Variants in NEBL observed in about 807,000 individuals in gnomAD.
NEBL encodes nebulette, also known as LIM and SH3 protein 2.
NEBL carries 122 observed loss-of-function variants against 140.2 expected under a neutral mutation model. The ratio of observed to expected loss-of-function variants is 0.87; its 90% CI spans 0.75 to 1.01. The LOEUF (loss-of-function observed/expected upper bound fraction) is 1.01, where lower values mean the gene tolerates loss of function less well. NEBL is among the 50% of genes least tolerant of loss of function. The probability of loss-of-function intolerance (pLI) is 0.00; values close to 1 mark genes in which losing one functional copy is unlikely to be tolerated. For missense variants in NEBL, 1,365 were observed against 1,231.3 expected (o/e 1.11, Z -1.62); for synonymous variants, 436 against 398.9 (o/e 1.09, Z -1.11).
At chr10:20,850,564 A>C in intron 10 of NEBL, 62 bp from the exon 11 acceptor site, 1 of 1,072,410 alleles carries the variant, frequency 9.3e-7, no homozygotes, top group Non-Finnish European at 1.4e-6. Flanking sequence ...GAGCAAACTA[A>C]GAAAAAATAT....
rs1292946698 is a variant in NEBL, at chr10:20,869,310, C to T, written c.582+430G>A. On this transcript the variant is annotated intron_variant, in intron 6 of 27. Coordinates refer to ENST00000377122, the MANE Select transcript of NEBL (RefSeq NM_006393.3). ...CCTTAGAGAAGGTAAGAAACAGTTA[C>T]GCCATGTAGGAAGTGGACAAAGGTA... 5.9e-5 allele frequency among the ~76,000 whole-genome samples: 9 copies of T among 152,016 alleles called. No homozygotes were observed. The East Asian group carries it at 9.6e-4, about 16-fold the overall frequency.
intron 4 of NEBL, among the ~76,000 whole-genome samples, chr10:20,949,441 T>G (rs1014850932): frequency 6.6e-6 from 1 of 152,168 alleles, no homozygotes; most frequent in African/African-American, 2.4e-5. Flanking sequence ...TCTGCACATG[T>G]ATCCCAGAAC....
intron 2 of NEBL, among the ~76,000 whole-genome samples, chr10:21,042,029 G>T (rs1337464359): frequency 6.6e-6 from 1 of 152,144 alleles, no homozygotes; most frequent in Non-Finnish European, 1.5e-5. Context: ...TCTTTACCAC[G>T]TCCTGTTTTA....
chr10:20,988,951 G>T (rs897619281), intron 3 of NEBL, among the ~76,000 whole-genome samples: 10 of 152,094 alleles, frequency 6.6e-5, no homozygotes, highest in Admixed American at 1.3e-4. Context: ...GCACACATTA[G>T]GTACTCAATA....
At chr10:20,954,745 A>G (rs1835699388) in intron 4 of NEBL, among the ~76,000 whole-genome samples, 2 of 152,290 alleles carry the variant, frequency 1.3e-5, no homozygotes, top group Middle Eastern at 3.4e-3. Context: ...CAAACAGCAC[A>G]AACTTCCCAA....
intron 1 of NEBL, among the ~76,000 whole-genome samples, chr10:21,284,454 C>T (rs544457364): frequency 6.6e-6 from 1 of 151,712 alleles, no homozygotes; most frequent in South Asian, 2.1e-4. Flanking sequence ...GCAGCAAGCA[C>T]ATCTTATTTC....
intron 2 of NEBL, chr10:21,126,163 T>C (rs746409892): frequency 4.4e-6 from 7 of 1,579,856 alleles, no homozygotes; most frequent in Non-Finnish European, 6.1e-6. Flanking sequence ...TCAAGCCTGG[T>C]ACCCCCCATA....
At chr10:20,845,057 G>A (rs532762593) in intron 12 of NEBL, among the ~76,000 whole-genome samples, 13 of 151,742 alleles carry the variant, frequency 8.6e-5, no homozygotes, top group Non-Finnish European at 1.6e-4. Flanking sequence ...ATTTCTTCTC[G>A]CAACTTTAAT....
intron 2 of NEBL, among the ~76,000 whole-genome samples, chr10:21,100,077 G>A (rs1680230516): frequency 6.6e-6 from 1 of 152,176 alleles, no homozygotes; most frequent in African/African-American, 2.4e-5. Flanking sequence ...ACAGGGAGGG[G>A]ATGAATGTGC....
chr10:20,963,916 C>A (rs1836175161), intron 3 of NEBL, among the ~76,000 whole-genome samples: 2 of 152,184 alleles, frequency 1.3e-5, no homozygotes, highest in African/African-American at 4.8e-5. Context: ...CCAGTTCAAG[C>A]ACCAGCCCAC....
At chr10:20,860,245 T>G (rs138556214) in intron 7 of NEBL, among the ~76,000 whole-genome samples, 1 of 152,194 alleles carries the variant, frequency 6.6e-6, no homozygotes, top group African/African-American at 2.4e-5. Context: ...ATAAAGAGCA[T>G]GACGTGTACC....
At chr10:21,172,677 A>G (rs968338193) in intron 1 of NEBL, among the ~76,000 whole-genome samples, 1 of 152,068 alleles carries the variant, frequency 6.6e-6, no homozygotes, top group African/African-American at 2.4e-5. Flanking sequence ...TGGAGTCTTA[A>G]AGGAAAACCC....
At chr10:21,026,511 C>CAT (rs1249038379) in intron 2 of NEBL, among the ~76,000 whole-genome samples, 1 of 152,194 alleles carries the variant, frequency 6.6e-6, no homozygotes, top group Non-Finnish European at 1.5e-5. Flanking sequence ...AAACAGCCAC[C>CAT]ATGGCCCCTT....
At chr10:21,244,536 C>T (rs1000755445) in intron 3 of NEBL, among the ~76,000 whole-genome samples, 1 of 151,604 alleles carries the variant, frequency 6.6e-6, no homozygotes, top group Non-Finnish European at 1.5e-5. Flanking sequence ...CCTGTAATCC[C>T]AGCTGCTTGG....
At chr10:20,932,998 T>C (rs1311607290) in intron 4 of NEBL, among the ~76,000 whole-genome samples, 1 of 152,098 alleles carries the variant, frequency 6.6e-6, no homozygotes, top group Non-Finnish European at 1.5e-5. Flanking sequence ...TCCAATTGCA[T>C]AAATTAGGTA....
intron 3 of NEBL, among the ~76,000 whole-genome samples, chr10:20,969,504 C>G (rs1589089921): frequency 7.0e-6 from 1 of 142,934 alleles, no homozygotes; most frequent in Admixed American, 7.0e-5. Context: ...TTATTCTAAA[C>G]AAAAATGCTA....
chr10:21,103,321 C>T (rs1837560950), intron 2 of NEBL, among the ~76,000 whole-genome samples: 2 of 151,452 alleles, frequency 1.3e-5, no homozygotes, highest in South Asian at 4.2e-4. Context: ...TCATGCCATT[C>T]TCCTGCCTCA....
intron 1 of NEBL, among the ~76,000 whole-genome samples, chr10:21,291,778 G>A (rs1843147169): frequency 6.6e-6 from 1 of 151,856 alleles, no homozygotes; most frequent in African/African-American, 2.4e-5. Context: ...AGCCAGGCGT[G>A]GTGGTGGACG....
At chr10:21,126,144 G>C in intron 2 of NEBL, 5 of 1,592,186 alleles carry the variant, frequency 3.1e-6, no homozygotes, top group Non-Finnish European at 4.3e-6. Flanking sequence ...AAGTGCAGCT[G>C]TCCGTTCTTC....
Sources: gnomAD v4.1 joint callset for allele counts (sites outside exome capture counted in the v4.1 genomes callset) on GRCh38, gnomAD v4.1.1 for gene constraint, MANE v1.5 for transcripts, NCBI Gene and HGNC (gene_info 2026-07-23, HGNC 2026-07-21) for gene names.